Variants in TTLL7 observed in about 807,000 individuals in gnomAD.
The protein encoded by TTLL7 is tubulin tyrosine ligase like 7, also known as tubulin polyglutamylase TTLL7.
Under a neutral mutation model 120.2 loss-of-function variants are expected in TTLL7, and 53 were observed. The ratio of observed to expected loss-of-function variants is 0.44; its 90% CI spans 0.35 to 0.55. TTLL7 has a LOEUF of 0.55. TTLL7 is among the 20% of genes least tolerant of loss of function. The pLI is 0.00. For synonymous variants in TTLL7, 353 were observed against 351.7 expected, an observed-to-expected ratio of 1.00 and a Z score of -0.04; for missense variants, 803 against 1,054.7, an observed-to-expected ratio of 0.76 and a Z score of 3.31.
rs546805721 is a variant in TTLL7, at chr1:83,865,880, T to G, written c.*4082A>C. ...TTTCACCTTTGAACTAAAAAAGAAA[T>G]AAAGAATAGGCAGTGTAAGTAACAA... On this transcript the variant is annotated 3_prime_UTR_variant, in exon 21 of 21. Transcript: ENST00000260505. 7.2e-5 allele frequency: 11 copies of G among 152,050 alleles called. No individual in the cohort carries two copies. In the South Asian group the frequency reaches 1.2e-3, roughly 17 times the overall value. The allele number at this position is 152,050 out of a possible 1,614,324, so 9.4% of individuals were successfully genotyped here.
At position 83,868,846 on chromosome 1, in the gene TTLL7, G is replaced by C. The variant is rs1653100383; in HGVS notation, c.*1116C>G. 1 of 151,642 alleles carries C rather than the reference G, an allele frequency of 6.6e-6. No individual in the cohort carries two copies. Among genetic ancestry groups the C allele is most frequent in the Admixed American group, 6.6e-5 (1 of 15,256 alleles). The allele number at this position is 151,642 out of a possible 1,614,324, so 9.4% of individuals were successfully genotyped here. A position where few individuals can be genotyped will look rare whatever the true frequency, so the allele number is the denominator to read the frequency against. On this transcript the variant is annotated 3_prime_UTR_variant, in exon 21 of 21. Coordinates refer to ENST00000260505, the MANE Select transcript of TTLL7 (RefSeq NM_024686.6). ...AAAGATTTTGTTACCATCATTTTCT[G>C]TTCCTTTATGTGATTATGAAAAGTA...
chr1:83,950,071 A>T, intron 3 of TTLL7, 85 bp from the exon 4 acceptor site: 1 of 1,208,894 alleles, frequency 8.3e-7, no homozygotes, highest in Non-Finnish European at 1.1e-6. Context: ...TCTAAACTTT[A>T]GTTCATAGTA....
At chr1:83,950,199 C>G (rs535750038) in intron 3 of TTLL7, among the ~76,000 whole-genome samples, 1 of 152,244 alleles carries the variant, frequency 6.6e-6, no homozygotes, top group East Asian at 1.9e-4. Context: ...ACCCAAAAAT[C>G]CTTCCTTTCG....
At chr1:83,940,183 T>C (rs1647815475) in intron 7 of TTLL7, among the ~76,000 whole-genome samples, 1 of 152,110 alleles carries the variant, frequency 6.6e-6, no homozygotes, top group Admixed American at 6.6e-5. Flanking sequence ...TTGAGATTAA[T>C]CCCACTGGAC....
At chr1:83,933,993 C>T (rs1266278780) in intron 8 of TTLL7, among the ~76,000 whole-genome samples, 3 of 152,094 alleles carry the variant, frequency 2.0e-5, no homozygotes, top group Admixed American at 6.6e-5. Flanking sequence ...TATCTTAAGT[C>T]CTTTGAGTTA....
rs746955972 is a variant in TTLL7 at position 83,906,482 on chromosome 1, C to T, written c.1993-19G>A. 10 of 1,610,782 alleles carry T rather than the reference C, an allele frequency of 6.2e-6. No individual in the cohort carries two copies. Among genetic ancestry groups the T allele is most frequent in the Non-Finnish European group, 8.5e-6 (10 of 1,178,218 alleles). ...ACTCACTCTTAAATTTGAAAGAATACAGATATTTGGAGGGGGTCTTATTTC... is the reference window on the plus strand; with the variant it reads ...ACTCACTCTTAAATTTGAAAGAATATAGATATTTGGAGGGGGTCTTATTTC... On this transcript the variant is annotated intron_variant, in intron 16 of 20. Transcript: ENST00000260505.
At chr1:83,941,297 T>C (rs1201061803) in intron 7 of TTLL7, among the ~76,000 whole-genome samples, 2 of 152,232 alleles carry the variant, frequency 1.3e-5, no homozygotes, top group African/African-American at 4.8e-5. Flanking sequence ...CACTAGACTG[T>C]TGCTTCTGTG....
intron 1 of TTLL7, among the ~76,000 whole-genome samples, chr1:83,960,856 T>C (rs774939982): frequency 1.7e-4 from 26 of 152,102 alleles, no homozygotes; most frequent in Non-Finnish European, 2.6e-4. Context: ...CCACCACTCA[T>C]TGTGTGTACA....
chr1:83,929,877 G>T (rs1342849279), intron 9 of TTLL7, among the ~76,000 whole-genome samples: 2 of 152,136 alleles, frequency 1.3e-5, no homozygotes, highest in Admixed American at 1.3e-4. Context: ...CAACACAACA[G>T]CTTAGCTTCT....
chr1:83,898,058 C>T (rs1188918399), intron 18 of TTLL7, among the ~76,000 whole-genome samples: 1 of 151,822 alleles, frequency 6.6e-6, no homozygotes, highest in African/African-American at 2.4e-5. Flanking sequence ...TTTGTAATAT[C>T]TAATTCTGCA....
At chr1:83,963,853 A>G (rs555214085) in intron 1 of TTLL7, among the ~76,000 whole-genome samples, 18 of 152,262 alleles carry the variant, frequency 1.2e-4, no homozygotes, top group African/African-American at 4.3e-4. Context: ...CAGTTTTCAA[A>G]TCCCACTAAA....
chr1:83,958,298 G>A (rs990373381), intron 1 of TTLL7, among the ~76,000 whole-genome samples: 1 of 152,146 alleles, frequency 6.6e-6, no homozygotes, highest in East Asian at 1.9e-4. Flanking sequence ...TTGCAAATAT[G>A]TCTCAAGATA....
intron 14 of TTLL7, among the ~76,000 whole-genome samples, chr1:83,915,537 C>A (rs1278669621): frequency 6.6e-6 from 1 of 152,064 alleles, no homozygotes. Flanking sequence ...ACCATAAAAA[C>A]CCTAGAAGAA....
rs1654206961 is a variant in TTLL7 at position 83,879,025 on chromosome 1, G to T, written c.2543+3938C>A. 2.6e-5 allele frequency among the ~76,000 whole-genome samples: 4 copies of T among 151,048 alleles called. No individual in the cohort carries two copies. The South Asian group carries it at 8.4e-4, about 32-fold the overall frequency. ...TATGAATCACCTCATAAATTATTTA[G>T]GTATACTTCATAAGTTATTTCTATC... On this transcript the variant is annotated intron_variant, in intron 20 of 20. Transcript: ENST00000260505.
chr1:83,884,506 T>C (rs1654802331), intron 19 of TTLL7, among the ~76,000 whole-genome samples: 1 of 151,830 alleles, frequency 6.6e-6, no homozygotes, highest in African/African-American at 2.4e-5. Context: ...ATGCCATCAA[T>C]GAATGACAGG....
chr1:83,911,925 G>C (rs1488857243), intron 14 of TTLL7, among the ~76,000 whole-genome samples: 2 of 152,048 alleles, frequency 1.3e-5, no homozygotes, highest in Non-Finnish European at 2.9e-5. Context: ...AACATTGCCT[G>C]TGAGCCTATC....
Position 83,888,254 on chromosome 1 carries a change from AC to A in TTLL7, c.2369+2066del, listed in dbSNP as rs562169437. 2.5e-3 allele frequency among the ~76,000 whole-genome samples: 374 copies of A among 152,006 alleles called. 3 individuals are homozygous for A. The highest frequency in any genetic ancestry group is 8.7e-3 in the African/African-American group (361 of 41,460). On this transcript the variant is annotated intron_variant, in intron 19 of 20. Coordinates refer to ENST00000260505, the MANE Select transcript of TTLL7 (RefSeq NM_024686.6). ...CAATGGATCAACCAACAGAAAAAAA[AC>A]ATTTCCATTATAAATTCAGATTGGG... is the stretch of plus-strand genomic sequence containing the variant.
chr1:83,892,383 TATATATACGAATATATATGAAC>T (rs1327331648), intron 18 of TTLL7, among the ~76,000 whole-genome samples: 44 of 29,352 alleles, frequency 1.5e-3, no homozygotes, highest in South Asian at 4.0e-3. Flanking sequence ...TATATATGAA[TATATATACGAATATATATGAAC>T]ATATATATGA....
At chr1:83,883,379 GTGTT>G (rs1332582788) in intron 19 of TTLL7, among the ~76,000 whole-genome samples, 5 of 151,948 alleles carry the variant, frequency 3.3e-5, no homozygotes, top group Admixed American at 2.6e-4. Flanking sequence ...ATGTGGGTGT[GTGTT>G]TGTATGTGAG....
Sources: gnomAD v4.1 joint callset for allele counts (sites outside exome capture counted in the v4.1 genomes callset) on GRCh38, gnomAD v4.1.1 for gene constraint, MANE v1.5 for transcripts, NCBI Gene and HGNC (gene_info 2026-07-23, HGNC 2026-07-21) for gene names.